MSRA: variants seen among roughly 807,000 people sequenced by gnomAD.
MSRA encodes mitochondrial peptide methionine sulfoxide reductase.
In MSRA, 54 loss-of-function variants were observed where a neutral mutation model predicts 31.3. That is an observed-to-expected ratio of 1.73 (90% confidence interval 1.39 to 2.17). The LOEUF (loss-of-function observed/expected upper bound fraction) is 2.17, where lower values mean the gene tolerates loss of function less well. MSRA is among the 30% of genes most tolerant of loss of function. MSRA has a pLI of 0.00. For missense variants in MSRA, 507 were observed against 300.9 expected (o/e 1.69, Z -5.07); for synonymous variants, 169 against 116.5 (o/e 1.45, Z -2.90).
chr8:10,239,632 G>C (rs1313446506), intron 2 of MSRA, among the ~76,000 whole-genome samples: 1 of 152,208 alleles, frequency 6.6e-6, no homozygotes, highest in African/African-American at 2.4e-5. Context: ...AGAGTGCCCA[G>C]GCAATAGCTG....
chr8:10,165,860 T>G (rs1316441165), intron 1 of MSRA, among the ~76,000 whole-genome samples: 1 of 151,518 alleles, frequency 6.6e-6, no homozygotes, highest in South Asian at 2.1e-4. Context: ...TTAAAACGTG[T>G]TAAATAACTC....
At chr8:10,302,956 A>G (rs771016635) in intron 4 of MSRA, among the ~76,000 whole-genome samples, 1 of 152,208 alleles carries the variant, frequency 6.6e-6, no homozygotes, top group Non-Finnish European at 1.5e-5. Context: ...CTGTGGGCCT[A>G]GATTGCTTTG....
At chr8:10,291,210 C>T (rs1477067458) in intron 3 of MSRA, among the ~76,000 whole-genome samples, 1 of 152,170 alleles carries the variant, frequency 6.6e-6, no homozygotes, top group Non-Finnish European at 1.5e-5. Context: ...TGGCACTCCT[C>T]TGAGAGCATA....
At chr8:10,324,686 G>C (rs1585474325) in intron 5 of MSRA, among the ~76,000 whole-genome samples, 1 of 152,204 alleles carries the variant, frequency 6.6e-6, no homozygotes, top group African/African-American at 2.4e-5. Flanking sequence ...CCAAGCCAGA[G>C]GCTTGTGTGT....
intron 1 of MSRA, among the ~76,000 whole-genome samples, chr8:10,110,941 A>G (rs1800233172): frequency 6.6e-6 from 1 of 152,182 alleles, no homozygotes; most frequent in Non-Finnish European, 1.5e-5. Context: ...TCTCCAGTCT[A>G]GCAATTTCTT....
chr8:10,095,663 G>C (rs1055878482), intron 1 of MSRA: 1 of 1,002,900 alleles, frequency 1.0e-6, no homozygotes, highest in African/African-American at 1.7e-5. Context: ...CTGCTTTCTC[G>C]GCTTGAGCTT....
chr8:10,288,536 AT>A (rs920672557), intron 3 of MSRA, among the ~76,000 whole-genome samples: 15 of 151,978 alleles, frequency 9.9e-5, no homozygotes, highest in Admixed American at 2.6e-4. Flanking sequence ...TGTTGGACTG[AT>A]TTTTTTTGGG....
intron 1 of MSRA, chr8:10,096,234 C>T (rs1254930725): frequency 4.1e-6 from 5 of 1,205,048 alleles, no homozygotes; most frequent in East Asian, 3.5e-5. Flanking sequence ...TCCTAAACTA[C>T]ATCCCCCAGC....
chr8:10,089,445 C>G (rs572732638), intron 1 of MSRA, among the ~76,000 whole-genome samples: 4 of 152,208 alleles, frequency 2.6e-5, no homozygotes, highest in African/African-American at 7.2e-5. Flanking sequence ...GGGAAAATGC[C>G]TCATATTTGT....
At chr8:10,276,806 C>A (rs1210898762) in intron 3 of MSRA, among the ~76,000 whole-genome samples, 1 of 152,186 alleles carries the variant, frequency 6.6e-6, no homozygotes, top group Non-Finnish European at 1.5e-5. Flanking sequence ...AATGAATCCT[C>A]CTTCCCTCCT....
Position 10,057,594 on chromosome 8 carries a change from G to C in MSRA, c.142+2936G>C, listed in dbSNP as rs182171426. Reference sequence around the variant, plus strand: ...TTTCGAATTGTAATTCCCACCTGTTGGAGGAGGGGCCTGGTGAGAGGTGAT... The same window carrying C: ...TTTCGAATTGTAATTCCCACCTGTTCGAGGAGGGGCCTGGTGAGAGGTGAT... On this transcript the variant is annotated intron_variant, in intron 1 of 5. Transcript: ENST00000317173. 1.9e-3 allele frequency among the ~76,000 whole-genome samples: 284 copies of C among 152,290 alleles called. 1 individual carries two copies. The highest frequency in any genetic ancestry group is 3.5e-3 in the Admixed American group (53 of 15,302).
chr8:10,190,621 C>G (rs1807428723), intron 1 of MSRA, among the ~76,000 whole-genome samples: 1 of 152,158 alleles, frequency 6.6e-6, no homozygotes, highest in African/African-American at 2.4e-5. Context: ...CCGTGTTTGC[C>G]AGAGAGAGTT....
At chr8:10,308,815 G>C (rs1801279965) in intron 4 of MSRA, among the ~76,000 whole-genome samples, 1 of 152,182 alleles carries the variant, frequency 6.6e-6, no homozygotes, top group South Asian at 2.1e-4. Context: ...ACCAACATCA[G>C]GCAAGACTGC....
chr8:10,145,977 CAG>C (rs1202483213), intron 1 of MSRA, among the ~76,000 whole-genome samples: 1 of 152,142 alleles, frequency 6.6e-6, no homozygotes, highest in African/African-American at 2.4e-5. Context: ...AAATCTGTAA[CAG>C]TGGAGAAAAT....
chr8:10,313,012 G>T (rs1801517550), intron 4 of MSRA, among the ~76,000 whole-genome samples: 1 of 152,184 alleles, frequency 6.6e-6, no homozygotes, highest in African/African-American at 2.4e-5. Context: ...CCTAGCTCAT[G>T]CAGTAAGTCA....
intron 1 of MSRA, among the ~76,000 whole-genome samples, chr8:10,109,484 G>A (rs1319740674): frequency 6.6e-6 from 1 of 151,866 alleles, no homozygotes; most frequent in Admixed American, 6.6e-5. Flanking sequence ...TGGGGCAACA[G>A]GCACGCACCT....
At chr8:10,105,966 C>G (rs576700768) in intron 1 of MSRA, among the ~76,000 whole-genome samples, 1 of 152,310 alleles carries the variant, frequency 6.6e-6, no homozygotes, top group South Asian at 2.1e-4. Flanking sequence ...CTGCTAGTAA[C>G]CATGTATATG....
intron 2 of MSRA, among the ~76,000 whole-genome samples, chr8:10,227,782 A>G (rs1240233475): frequency 6.6e-6 from 1 of 152,208 alleles, no homozygotes; most frequent in Admixed American, 6.5e-5. Flanking sequence ...GAAAATATCA[A>G]TCAACCGCTA....
intron 3 of MSRA, among the ~76,000 whole-genome samples, chr8:10,266,731 TTTGA>T (rs1331911762): frequency 6.6e-6 from 1 of 152,178 alleles, no homozygotes; most frequent in Non-Finnish European, 1.5e-5. Flanking sequence ...TGCAATCCAT[TTTGA>T]TTAATTTTTA....
Sources: allele counts gnomAD v4.1 joint callset (sites outside exome capture counted in the v4.1 genomes callset), GRCh38; gene constraint gnomAD v4.1.1; transcripts MANE v1.5; gene names NCBI Gene and HGNC (gene_info 2026-07-23, HGNC 2026-07-21).